Variants in RYR3 observed in about 807,000 individuals in gnomAD.
The protein encoded by RYR3 is brain ryanodine receptor-calcium release channel.
A neutral mutation model predicts 584.3 loss-of-function variants in RYR3; 207 were observed. That is an observed-to-expected ratio of 0.35 (90% CI 0.32 to 0.40). The LOEUF is 0.40. RYR3 is among the 10% of genes least tolerant of loss of function. The pLI, the probability that RYR3 is intolerant of heterozygous loss-of-function variation, is 1.00. For missense variants in RYR3, 5,616 were observed against 6,089.2 expected, an observed-to-expected ratio of 0.92 and a Z score of 2.59; for synonymous variants, 2,416 against 2,248.5, an observed-to-expected ratio of 1.07 and a Z score of -2.11.
chr15:33,726,618 G>A (rs909001629), intron 46 of RYR3, 112 bp downstream of exon 46: 3 of 1,165,246 alleles, frequency 2.6e-6, no homozygotes, highest in Non-Finnish European at 2.3e-6. Flanking sequence ...AGGGCGGGCT[G>A]CACAGGGCAA....
chr15:33,581,284 C>T (rs1035738469), intron 13 of RYR3, among the ~76,000 whole-genome samples: 2 of 152,128 alleles, frequency 1.3e-5, no homozygotes, highest in Non-Finnish European at 2.9e-5. Context: ...GAGGAGGCTG[C>T]TGACTCACTC....
intron 53 of RYR3, 137 bp downstream of exon 53, chr15:33,746,294 A>G (rs1360017752): frequency 2.9e-6 from 2 of 687,146 alleles, no homozygotes; most frequent in Middle Eastern, 2.6e-4. Flanking sequence ...ACTGTTCACA[A>G]GCTTGCCAGT....
At chr15:33,339,557 G>T (rs1034904981) in intron 1 of RYR3, among the ~76,000 whole-genome samples, 1 of 152,184 alleles carries the variant, frequency 6.6e-6, no homozygotes, top group Admixed American at 6.5e-5. Context: ...GATAGCCTCA[G>T]AAGGCAAGGA....
chr15:33,349,925 T>C lies in RYR3; in HGVS notation c.51+38829T>C, dbSNP rs535544319. ...CATGTCCCTACAAAGGACATGAACTTATCATTTTTTATGGCTGCATAGTAT... is the reference window on the plus strand; with the variant it reads ...CATGTCCCTACAAAGGACATGAACTCATCATTTTTTATGGCTGCATAGTAT... On this transcript the variant is annotated intron_variant, in intron 1 of 103. Transcript: ENST00000634891. Among the ~76,000 whole-genome samples, 927 of 152,028 alleles carry C rather than the reference T, an allele frequency of 6.1e-3. 8 individuals carry two copies. The highest frequency in any genetic ancestry group is 0.022 in the African/African-American group (892 of 41,434).
chr15:33,497,722 G>C (rs2051565320), intron 2 of RYR3, among the ~76,000 whole-genome samples: 2 of 152,124 alleles, frequency 1.3e-5, no homozygotes, highest in Non-Finnish European at 2.9e-5. Context: ...CTTTGTGTTA[G>C]AAACATTCAA....
chr15:33,657,017 G>A (rs2062855862), intron 32 of RYR3, among the ~76,000 whole-genome samples: 1 of 152,128 alleles, frequency 6.6e-6, no homozygotes, highest in African/African-American at 2.4e-5. Flanking sequence ...AGTAACACCA[G>A]GGGTCCCAGA....
chr15:33,705,427 G>GT (rs1467083091), intron 42 of RYR3, among the ~76,000 whole-genome samples: 1 of 145,792 alleles, frequency 6.9e-6, no homozygotes, highest in Non-Finnish European at 1.5e-5. Flanking sequence ...GGCCCTGGAG[G>GT]TTAAAAAAAA....
intron 1 of RYR3, among the ~76,000 whole-genome samples, chr15:33,408,819 G>A (rs1294374478): frequency 2.6e-5 from 4 of 152,150 alleles, no homozygotes; most frequent in African/African-American, 7.2e-5. Context: ...GGCAGCAGAG[G>A]ACATAAAATT....
chr15:33,615,223 G>A (rs960163890), intron 19 of RYR3, among the ~76,000 whole-genome samples: 10 of 152,180 alleles, frequency 6.6e-5, no homozygotes, highest in Non-Finnish European at 1.5e-4. Flanking sequence ...AGAGTTGTGG[G>A]AAGCAGGAGC....
At chr15:33,392,941 G>A (rs940986755) in intron 1 of RYR3, among the ~76,000 whole-genome samples, 1 of 152,240 alleles carries the variant, frequency 6.6e-6, no homozygotes, top group African/African-American at 2.4e-5. Flanking sequence ...ACAAGGGCAT[G>A]GGATTGCACA....
intron 48 of RYR3, among the ~76,000 whole-genome samples, chr15:33,733,374 A>G (rs573960037): frequency 2.2e-4 from 33 of 152,236 alleles, no homozygotes; most frequent in Non-Finnish European, 4.7e-4. Flanking sequence ...GCGAATGGAT[A>G]AATAAACTGT....
intron 1 of RYR3, among the ~76,000 whole-genome samples, chr15:33,413,563 C>G (rs921164252): frequency 4.6e-5 from 7 of 152,160 alleles, no homozygotes; most frequent in Non-Finnish European, 8.8e-5. Context: ...GGGCTGTCAT[C>G]TTCATGAAAA....
chr15:33,457,849 G>A (rs1253125639), intron 1 of RYR3, among the ~76,000 whole-genome samples: 1 of 152,128 alleles, frequency 6.6e-6, no homozygotes, highest in Non-Finnish European at 1.5e-5. Context: ...GCAATTATGT[G>A]TTCATTTTAA....
chr15:33,747,409 T>A (rs1388596265), intron 53 of RYR3, among the ~76,000 whole-genome samples: 1 of 137,460 alleles, frequency 7.3e-6, no homozygotes, highest in Non-Finnish European at 1.6e-5. Flanking sequence ...GGAGTTTCAC[T>A]GTTGTCACCC....
At chr15:33,437,135 T>C (rs1163353417) in intron 1 of RYR3, among the ~76,000 whole-genome samples, 1 of 150,498 alleles carries the variant, frequency 6.6e-6, no homozygotes, top group Admixed American at 6.6e-5. Flanking sequence ...TGTGTGTGTG[T>C]GTGTGTGTGT....
At chr15:33,864,615 G>C (rs757417911) in intron 103 of RYR3, 1 of 175,682 alleles carries the variant, frequency 5.7e-6, no homozygotes, top group Non-Finnish European at 1.2e-5. Context: ...TGAGTGAAAG[G>C]ATGTGTCAAA....
intron 1 of RYR3, among the ~76,000 whole-genome samples, chr15:33,385,439 AG>A (rs2041521563): frequency 6.6e-6 from 1 of 152,192 alleles, no homozygotes; most frequent in Non-Finnish European, 1.5e-5. Flanking sequence ...TTATGATTCA[AG>A]TCATTCTTAG....
At position 33,477,877 on chromosome 15, in the gene RYR3, GAAAAAAAAAAAAA is replaced by G. The variant is rs58200056; in HGVS notation, c.171+4356_171+4368del. Among the ~76,000 whole-genome samples, 274 of 62,616 alleles carry G rather than the reference GAAAAAAAAAAAAA, an allele frequency of 4.4e-3. 40 individuals carry two copies. The highest frequency in any genetic ancestry group is 0.024 in the African/African-American group (245 of 10,146). 41.1% of individuals were successfully genotyped at this position (62,616 alleles called of 152,430 possible). A position where few individuals can be genotyped will look rare whatever the true frequency, so the allele number is the denominator to read the frequency against. ...GCGACAGAGCGAGATTCTGTCTCAA[GAAAAAAAAAAAAA>G]AAAAAAAAAAAAAAAAGACTAGGGG... On this transcript the variant is annotated intron_variant, in intron 2 of 103. Transcript: ENST00000634891.
At chr15:33,782,240 T>A (rs1280971463) in intron 65 of RYR3, among the ~76,000 whole-genome samples, 1 of 152,216 alleles carries the variant, frequency 6.6e-6, no homozygotes, top group African/African-American at 2.4e-5. Flanking sequence ...AAAGCCTAGG[T>A]TAGCTTTGGG....
Sources: allele counts gnomAD v4.1 joint callset (sites outside exome capture counted in the v4.1 genomes callset), GRCh38; gene constraint gnomAD v4.1.1; transcripts MANE v1.5; gene names NCBI Gene and HGNC (gene_info 2026-07-23, HGNC 2026-07-21).